The following CCDC187 variants were observed in gnomAD, a reference collection of about 807,000 sequenced individuals.
CCDC187 encodes coiled-coil domain-containing protein 187.
CCDC187 carries 32 observed loss-of-function variants against 38.0 expected under a neutral mutation model. The observed-to-expected ratio is 0.84, with a 90% CI of 0.64 to 1.13. CCDC187 has a LOEUF of 1.13. Ranked by LOEUF, CCDC187 falls within the 50% of genes most tolerant of loss-of-function variation. The pLI, the probability that CCDC187 is intolerant of heterozygous loss-of-function variation, is 0.00. For synonymous variants in CCDC187, 333 were observed against 347.9 expected, an observed-to-expected ratio of 0.96 and a Z score of 0.48; for missense variants, 707 against 786.8, an observed-to-expected ratio of 0.90 and a Z score of 1.21.
intron 4 of CCDC187, among the ~76,000 whole-genome samples, chr9:136,297,480 G>T (rs1001151102): frequency 1.3e-5 from 2 of 152,118 alleles, no homozygotes; most frequent in Non-Finnish European, 2.9e-5. Flanking sequence ...GCCCCTGCCC[G>T]GACAGGAACC....
chr9:136,293,883 C>A lies in CCDC187; in HGVS notation c.833-1588G>T, dbSNP rs910076958. Among the ~76,000 whole-genome samples the A allele has an allele frequency of 2.6e-5, 4 of 151,888 alleles. No individual in the cohort carries two copies. In the East Asian group the frequency reaches 5.8e-4, roughly 22 times the overall value. ...AGTCTCATATGCTCTCTGACTCACA[C>A]GCTCACACACAACCACACACACTCA... On this transcript the variant is annotated intron_variant, in intron 4 of 25. Transcript: ENST00000638797.
Position 136,303,306 on chromosome 9 carries a change from G to C in CCDC187, c.144-13C>G. 1 of 397,396 alleles carries C rather than the reference G, an allele frequency of 2.5e-6. No individual in the cohort carries two copies. The highest frequency in any genetic ancestry group is 4.4e-6 in the Non-Finnish European group (1 of 225,806). 24.6% of individuals were successfully genotyped at this position (397,396 alleles called of 1,614,324 possible). A position where few individuals can be genotyped will look rare whatever the true frequency, so the allele number is the denominator to read the frequency against. Reference sequence around the variant, plus strand: ...AGGTGCGCAGAGCCTGGGAGGGAACGGCAGACATGCCGGTCAGACATGCAG... The same window carrying C: ...AGGTGCGCAGAGCCTGGGAGGGAACCGCAGACATGCCGGTCAGACATGCAG... On this transcript the variant is annotated splice_polypyrimidine_tract_variant and intron_variant, in intron 1 of 25. Transcript: ENST00000638797.
chr9:136,272,035 T>C (rs1830848944), intron 14 of CCDC187, among the ~76,000 whole-genome samples: 1 of 151,994 alleles, frequency 6.6e-6, no homozygotes, highest in Non-Finnish European at 1.5e-5. Flanking sequence ...TTCAAAGTAC[T>C]GAAAGGGAAA....
intron 14 of CCDC187, among the ~76,000 whole-genome samples, chr9:136,270,359 A>C (rs1456897824): frequency 6.6e-6 from 1 of 152,084 alleles, no homozygotes; most frequent in Non-Finnish European, 1.5e-5. Flanking sequence ...TGAGTCGTCC[A>C]AGTGATTAAA....
At position 136,266,051 on chromosome 9, in the gene CCDC187, G is replaced by A. The variant is rs546291277; in HGVS notation, c.3648-8C>T. ...CTCTTGCTGTCCAGGCACCTGGGGGGAGGTGGCAACATCACTGCCAATGTT... is the reference window on the plus strand; with the variant it reads ...CTCTTGCTGTCCAGGCACCTGGGGGAAGGTGGCAACATCACTGCCAATGTT... On this transcript the variant is annotated splice_polypyrimidine_tract_variant and splice_region_variant and intron_variant, in intron 16 of 25. Coordinates refer to ENST00000638797, the MANE Select transcript of CCDC187 (RefSeq NM_001378188.1). 1.6e-4 allele frequency: 156 copies of A among 985,360 alleles called. 1 individual carries two copies. The Middle Eastern group carries it at 3.1e-3, about 20-fold the overall frequency. The allele number at this position is 985,360 out of a possible 1,614,324, so 61.0% of individuals were successfully genotyped here.
At chr9:136,306,111 G>A (rs1256912372), upstream of CCDC187, among the ~76,000 whole-genome samples, 1 of 152,204 alleles carries the variant, frequency 6.6e-6, no homozygotes, top group African/African-American at 2.4e-5. Context: ...GGAGCAGCAA[G>A]GCTCCAAGAA....
chr9:136,270,624 G>A (rs1205026359), intron 14 of CCDC187, among the ~76,000 whole-genome samples: 3 of 152,180 alleles, frequency 2.0e-5, no homozygotes, highest in East Asian at 1.9e-4. Context: ...TTAGGCCTCC[G>A]GATGACTGGG....
rs1367510936 is a variant in CCDC187, at chr9:136,253,716, G to T, written c.6112C>A (p.Pro2038Thr). Residue 2038 changes from proline to threonine, a missense_variant, in exon 26 of 26, where the codon CCG (proline) becomes ACG (threonine). By Grantham distance (38) the Pro-to-Thr change is conservative. Transcript: ENST00000638797. ...TNPCSDAFPS[P>T]PSGPLEEDTA... ...TCCTCCTCAAGGGGCCCCGAGGGCGGGGAAGGGAAGGCATCCGAGCATGGG... is the reference window on the plus strand; with the variant it reads ...TCCTCCTCAAGGGGCCCCGAGGGCGTGGAAGGGAAGGCATCCGAGCATGGG... The T allele has an allele frequency of 2.0e-6, 2 of 985,560 alleles. No homozygotes were observed. Among genetic ancestry groups the T allele is most frequent in the East Asian group, 1.1e-4 (1 of 8,818 alleles). The allele number at this position is 985,560 out of a possible 1,614,324, so 61.1% of individuals were successfully genotyped here. A position where few individuals can be genotyped will look rare whatever the true frequency, so the allele number is the denominator to read the frequency against.
intron 4 of CCDC187, among the ~76,000 whole-genome samples, chr9:136,294,788 G>A (rs1157042085): frequency 1.3e-5 from 2 of 152,136 alleles, no homozygotes; most frequent in Non-Finnish European, 1.5e-5. Flanking sequence ...GCCTCTCCAG[G>A]ACAGGACCCC....
chr9:136,267,754 C>T, intron 15 of CCDC187: 1 of 896,092 alleles, frequency 1.1e-6, no homozygotes, highest in Non-Finnish European at 1.3e-6. Context: ...TCACCACCAG[C>T]CCTGATCCAG....
intron 9 of CCDC187, among the ~76,000 whole-genome samples, chr9:136,283,666 T>G (rs989744807): frequency 0.14 from 21,944 of 152,254 alleles, 1,901 homozygotes; most frequent in Admixed American, 0.22. Context: ...CAGGGAGCCC[T>G]GGCCGCACCT....
intron 18 of CCDC187, among the ~76,000 whole-genome samples, chr9:136,263,320 G>A (rs905464341): frequency 1.5e-4 from 21 of 143,436 alleles, no homozygotes; most frequent in African/African-American, 4.4e-4. Context: ...TGCAGACTCC[G>A]CCCCCCGGGG....
At chr9:136,304,976 C>T (rs974367198), upstream of CCDC187, among the ~76,000 whole-genome samples, 2 of 152,170 alleles carry the variant, frequency 1.3e-5, no homozygotes, top group Non-Finnish European at 2.9e-5. Context: ...GCCAGGCAAA[C>T]GCCTGGAGAC....
intron 7 of CCDC187, among the ~76,000 whole-genome samples, chr9:136,287,320 G>A (rs938980058): frequency 1.2e-4 from 19 of 152,128 alleles, no homozygotes; most frequent in African/African-American, 4.6e-4. Context: ...AAATGAGCCT[G>A]GCCGGTCTTA....
intron 6 of CCDC187, 94 bp downstream of exon 6, chr9:136,290,392 T>C (rs1001777350): frequency 5.0e-6 from 2 of 397,814 alleles, no homozygotes; most frequent in Non-Finnish European, 8.8e-6. Context: ...GGCCACTCCC[T>C]GGAGGACACC....
At chr9:136,259,218 G>A (rs1191078145) in intron 21 of CCDC187, 145 bp downstream of exon 21, 31 of 301,742 alleles carry the variant, frequency 1.0e-4, no homozygotes, top group Non-Finnish European at 1.5e-4. Flanking sequence ...CCCCAACCAA[G>A]ATGAAGATCA....
chr9:136,276,500 T>G (rs1830933108), intron 11 of CCDC187, among the ~76,000 whole-genome samples, 151 bp downstream of exon 11: 1 of 152,012 alleles, frequency 6.6e-6, no homozygotes, highest in Non-Finnish European at 1.5e-5. Flanking sequence ...CCCACCTGCA[T>G]GCTCCCCTCC....
chr9:136,296,563 C>G (rs1287397062), intron 4 of CCDC187: 2 of 152,346 alleles, frequency 1.3e-5, no homozygotes, highest in Non-Finnish European at 2.9e-5. Context: ...CCAACCTTGG[C>G]GGGGAACCAG....
rs1452474229 is a variant in CCDC187 at position 136,251,164 on chromosome 9, T to C, written c.*2430A>G. Reference sequence around the variant, plus strand: ...GATGTCCCTAAGGCCAACACGCTGCTCATCAACTCCGCATTCAAGAAGAGA... The same window carrying C: ...GATGTCCCTAAGGCCAACACGCTGCCCATCAACTCCGCATTCAAGAAGAGA... On this transcript the variant is annotated 3_prime_UTR_variant, in exon 26 of 26. Transcript: ENST00000638797. 1 of 384,946 alleles carries C rather than the reference T, an allele frequency of 2.6e-6. No individual in the cohort carries two copies. Among genetic ancestry groups the C allele is most frequent in the East Asian group, 7.6e-5 (1 of 13,152 alleles). 23.8% of individuals were successfully genotyped at this position (384,946 alleles called of 1,614,324 possible). A position where few individuals can be genotyped will look rare whatever the true frequency, so the allele number is the denominator to read the frequency against.
Sources: allele counts gnomAD v4.1 joint callset (sites outside exome capture counted in the v4.1 genomes callset), GRCh38; gene constraint gnomAD v4.1.1; transcripts MANE v1.5; gene names NCBI Gene and HGNC (gene_info 2026-07-23, HGNC 2026-07-21).